Variants in TAOK1 observed in about 807,000 individuals in gnomAD.
The protein encoded by TAOK1 is TAO kinase 1.
In TAOK1, 21 loss-of-function variants were observed where a neutral mutation model predicts 138.3. The ratio of observed to expected loss-of-function variants is 0.15; its 90% CI spans 0.11 to 0.22. The LOEUF is 0.22. Among genes scored for constraint, TAOK1 ranks in the 10% least tolerant of loss-of-function variants. The pLI is 1.00. For missense variants in TAOK1, 651 were observed against 1,227.7 expected (o/e 0.53, Z 7.02); for synonymous variants, 361 against 398.4 (o/e 0.91, Z 1.12).
chr17:29,547,338 G>A lies in TAOK1; in HGVS notation c.*4316G>A, dbSNP rs2032418261. 1 of 152,112 alleles carries A rather than the reference G, an allele frequency of 6.6e-6. No individual in the cohort carries two copies. Among genetic ancestry groups the A allele is most frequent in the Admixed American group, 6.6e-5 (1 of 15,262 alleles). The allele number at this position is 152,112 out of a possible 1,614,324, so 9.4% of individuals were successfully genotyped here. On this transcript the variant is annotated 3_prime_UTR_variant, in exon 20 of 20. Coordinates refer to ENST00000261716, the MANE Select transcript of TAOK1 (RefSeq NM_020791.4). ...AATCAACAGGAAATGGCCACTGGGA[G>A]AGAAGGATTTGGTATTGGGTGAGGG...
intron 10 of TAOK1, among the ~76,000 whole-genome samples, 168 bp downstream of exon 10, chr17:29,492,033 T>C (rs2681179): frequency 0.42 from 63,303 of 151,856 alleles, 13,845 homozygotes; most frequent in Non-Finnish European, 0.48. Flanking sequence ...TACAGACACA[T>C]GCCACTGAAC....
chr17:29,482,051 C>G (rs927617333), intron 7 of TAOK1, 146 bp from the exon 8 acceptor site: 3 of 573,452 alleles, frequency 5.2e-6, no homozygotes, highest in African/African-American at 1.9e-5. Context: ...CTGTAATGCA[C>G]TTAGTTCCCG....
intron 1 of TAOK1, among the ~76,000 whole-genome samples, chr17:29,424,048 C>CAA (rs34530466): frequency 4.4e-5 from 5 of 112,850 alleles, no homozygotes; most frequent in Admixed American, 9.1e-5. Context: ...GACCCTGTCT[C>CAA]AAAAAAAAAA....
At chr17:29,516,796 C>T (rs1598517774) in intron 15 of TAOK1, among the ~76,000 whole-genome samples, 1 of 151,872 alleles carries the variant, frequency 6.6e-6, no homozygotes, top group East Asian at 1.9e-4. Context: ...CCATTGCACC[C>T]GACCCCTGTT....
At chr17:29,499,835 A>G (rs949778760) in intron 12 of TAOK1, among the ~76,000 whole-genome samples, 1 of 152,196 alleles carries the variant, frequency 6.6e-6, no homozygotes, top group Non-Finnish European at 1.5e-5. Flanking sequence ...TACAGGGATT[A>G]CAGGCGTGAG....
chr17:29,503,931 C>T (rs1249918768), intron 13 of TAOK1, among the ~76,000 whole-genome samples: 1 of 151,746 alleles, frequency 6.6e-6, no homozygotes, highest in Non-Finnish European at 1.5e-5. Flanking sequence ...GCCAACATGG[C>T]GAAACCCCGT....
intron 1 of TAOK1, among the ~76,000 whole-genome samples, chr17:29,393,653 C>T (rs1904500234): frequency 6.6e-6 from 1 of 152,170 alleles, no homozygotes; most frequent in Non-Finnish European, 1.5e-5. Flanking sequence ...GGCTCTTTCA[C>T]TGGATTCTCT....
intron 1 of TAOK1, among the ~76,000 whole-genome samples, chr17:29,429,032 A>G (rs991897830): frequency 6.6e-6 from 1 of 151,994 alleles, no homozygotes; most frequent in African/African-American, 2.4e-5. Flanking sequence ...AGAATTTTTG[A>G]TTATTTTTTT....
chr17:29,483,342 T>TC (rs1555564127), intron 8 of TAOK1, among the ~76,000 whole-genome samples: 8 of 152,000 alleles, frequency 5.3e-5, no homozygotes, highest in Non-Finnish European at 1.2e-4. Context: ...CCTCCCGCAG[T>TC]GGGGGGATTT....
At chr17:29,411,578 C>A (rs906604610) in intron 1 of TAOK1, among the ~76,000 whole-genome samples, 1 of 150,906 alleles carries the variant, frequency 6.6e-6, no homozygotes, top group African/African-American at 2.4e-5. Context: ...TTTGTGGTAG[C>A]GATGGTGTTT....
chr17:29,547,247 GC>G lies in TAOK1; in HGVS notation c.*4226del, dbSNP rs1403441644. 1.3e-5 allele frequency: 2 copies of G among 151,962 alleles called. No homozygotes were observed. Among genetic ancestry groups the G allele is most frequent in the Admixed American group, 6.6e-5 (1 of 15,246 alleles). The allele number at this position is 151,962 out of a possible 1,614,324, so 9.4% of individuals were successfully genotyped here. On this transcript the variant is annotated 3_prime_UTR_variant, in exon 20 of 20. Coordinates refer to ENST00000261716, the MANE Select transcript of TAOK1 (RefSeq NM_020791.4). ...ATTAATACTAATAATTATATACTTT[GC>G]TGAGGATCAAAACAGCCAAGAAAGG... is the stretch of plus-strand genomic sequence containing the variant.
chr17:29,428,815 A>T (rs1905731449), intron 1 of TAOK1, among the ~76,000 whole-genome samples: 1 of 149,834 alleles, frequency 6.7e-6, no homozygotes, highest in Non-Finnish European at 1.5e-5. Flanking sequence ...TTCTGTAGAG[A>T]CAGGGTTCCA....
At chr17:29,476,489 A>G (rs958625908) in intron 4 of TAOK1, among the ~76,000 whole-genome samples, 3 of 152,196 alleles carry the variant, frequency 2.0e-5, no homozygotes, top group African/African-American at 7.2e-5. Context: ...CAAGGATACT[A>G]ATAGGACCTA....
chr17:29,520,807 C>T (rs374235011), intron 16 of TAOK1, among the ~76,000 whole-genome samples: 76 of 151,658 alleles, frequency 5.0e-4, no homozygotes, highest in Middle Eastern at 3.4e-3. Context: ...GGGCAGATCA[C>T]GAGGTCAGGA....
At chr17:29,438,696 A>C (rs1906114424) in intron 1 of TAOK1, among the ~76,000 whole-genome samples, 1 of 152,178 alleles carries the variant, frequency 6.6e-6, no homozygotes, top group African/African-American at 2.4e-5. Context: ...CAAAACAGAC[A>C]AACAAATAAA....
chr17:29,504,933 G>T (rs1223948878), intron 13 of TAOK1, among the ~76,000 whole-genome samples: 2 of 152,164 alleles, frequency 1.3e-5, no homozygotes, highest in Non-Finnish European at 2.9e-5. Context: ...TGATAAATAT[G>T]TTGAGAAGGA....
intron 17 of TAOK1, among the ~76,000 whole-genome samples, chr17:29,529,502 C>A (rs1463858216): frequency 6.6e-6 from 1 of 152,024 alleles, no homozygotes; most frequent in Non-Finnish European, 1.5e-5. Flanking sequence ...GAGGCCAAGG[C>A]AGGTGGATTG....
At chr17:29,532,863 C>T (rs1423069613) in intron 18 of TAOK1, among the ~76,000 whole-genome samples, 3 of 151,930 alleles carry the variant, frequency 2.0e-5, no homozygotes, top group African/African-American at 4.8e-5. Context: ...CTGTTGGGTA[C>T]ACCTCCCAGA....
chr17:29,537,585 A>G (rs916167658), intron 19 of TAOK1, among the ~76,000 whole-genome samples: 1 of 150,052 alleles, frequency 6.7e-6, no homozygotes, highest in African/African-American at 2.5e-5. Context: ...TCAAACTCCT[A>G]GGCTCAAGCA....
Sources: gnomAD v4.1 joint callset for allele counts (sites outside exome capture counted in the v4.1 genomes callset) on GRCh38, gnomAD v4.1.1 for gene constraint, MANE v1.5 for transcripts, NCBI Gene and HGNC (gene_info 2026-07-23, HGNC 2026-07-21) for gene names.